OSBPL6: variants seen among roughly 807,000 people sequenced by gnomAD.
The protein encoded by OSBPL6 is oxysterol binding protein like 6, also known as oxysterol-binding protein-related protein 6.
OSBPL6 carries 49 observed loss-of-function variants against 125.8 expected under a neutral mutation model. The observed-to-expected ratio is 0.39, with a 90% CI of 0.31 to 0.49. The LOEUF is 0.49. Among genes scored for constraint, OSBPL6 ranks in the 20% least tolerant of loss-of-function variants. The probability of loss-of-function intolerance (pLI) is 0.88; values close to 1 mark genes in which losing one functional copy is unlikely to be tolerated. For synonymous variants in OSBPL6, 394 were observed against 391.8 expected (o/e 1.01, Z -0.07); for missense variants, 986 against 1,135.4 (o/e 0.87, Z 1.89).
chr2:178,337,949 C>CTTTTTTTTTTTTTTTTTTTT (rs755944128), intron 9 of OSBPL6, among the ~76,000 whole-genome samples: 19 of 139,156 alleles, frequency 1.4e-4, no homozygotes, highest in Admixed American at 3.1e-4. Context: ...TCAGTATTCT[C>CTTTTTTTTTTTTTTTTTTTT]TTTTTTTTTT....
At chr2:178,386,593 A>C (rs1694951536) in intron 19 of OSBPL6, among the ~76,000 whole-genome samples, 1 of 152,094 alleles carries the variant, frequency 6.6e-6, no homozygotes, top group South Asian at 2.1e-4. Context: ...TTTAGTGTAC[A>C]TCTTATGCTT....
At chr2:178,298,046 C>G (rs900268400) in intron 2 of OSBPL6, among the ~76,000 whole-genome samples, 6 of 152,146 alleles carry the variant, frequency 3.9e-5, no homozygotes, top group African/African-American at 1.4e-4. Flanking sequence ...CCCTGATAAC[C>G]ACCATTCTAC....
At chr2:178,369,135 C>A (rs1693138236) in intron 13 of OSBPL6, among the ~76,000 whole-genome samples, 1 of 152,102 alleles carries the variant, frequency 6.6e-6, no homozygotes, top group African/African-American at 2.4e-5. Flanking sequence ...AGATTTATCT[C>A]TTTTGCTCCC....
At chr2:178,261,781 T>C (rs2092073046) in intron 1 of OSBPL6, among the ~76,000 whole-genome samples, 1 of 152,198 alleles carries the variant, frequency 6.6e-6, no homozygotes, top group Non-Finnish European at 1.5e-5. Flanking sequence ...ATTGAACGAA[T>C]TTCAACTTTG....
chr2:178,399,868 GA>G lies in OSBPL6; in HGVS notation c.*4310del, dbSNP rs1346866917. The G allele has an allele frequency of 3.9e-5, 6 of 152,184 alleles. No individual in the cohort carries two copies. The highest frequency in any genetic ancestry group is 1.4e-4 in the African/African-American group (6 of 41,526). 9.4% of individuals were successfully genotyped at this position (152,184 alleles called of 1,614,324 possible). A position where few individuals can be genotyped will look rare whatever the true frequency, so the allele number is the denominator to read the frequency against. On this transcript the variant is annotated 3_prime_UTR_variant, in exon 25 of 25. Transcript: ENST00000190611. ...TAGTGAATACTATTAATTTTTCATGGATTACATATTACCATATGACCCCATA... is the reference window on the plus strand; with the variant it reads ...TAGTGAATACTATTAATTTTTCATGGTTACATATTACCATATGACCCCATA...
chr2:178,382,670 G>A, intron 16 of OSBPL6, 163 bp downstream of exon 16: 1 of 1,477,528 alleles, frequency 6.8e-7, no homozygotes. Context: ...ATCTCTTGAG[G>A]TAAATGGTTG....
chr2:178,216,593 CAT>C (rs756878368), intron 1 of OSBPL6, among the ~76,000 whole-genome samples: 4 of 152,158 alleles, frequency 2.6e-5, no homozygotes, highest in African/African-American at 7.2e-5. Flanking sequence ...ATTTGGCAAA[CAT>C]AGTGATGGTT....
At chr2:178,245,679 A>G (rs1320304510) in intron 1 of OSBPL6, among the ~76,000 whole-genome samples, 1 of 152,226 alleles carries the variant, frequency 6.6e-6, no homozygotes, top group Non-Finnish European at 1.5e-5. Context: ...ACATCCACAT[A>G]TAACATGTCA....
intron 1 of OSBPL6, among the ~76,000 whole-genome samples, chr2:178,225,368 A>G (rs913605628): frequency 1.3e-5 from 2 of 152,186 alleles, no homozygotes; most frequent in Non-Finnish European, 2.9e-5. Context: ...GAGAGATGCA[A>G]ATTTTACAGT....
intron 3 of OSBPL6, among the ~76,000 whole-genome samples, chr2:178,317,044 A>G (rs1310242842): frequency 2.0e-5 from 3 of 152,102 alleles, no homozygotes; most frequent in Non-Finnish European, 4.4e-5. Flanking sequence ...ATTGCTGGTT[A>G]TGGGTGGTTT....
chr2:178,224,511 A>G (rs1217017318), intron 1 of OSBPL6, among the ~76,000 whole-genome samples: 4 of 152,234 alleles, frequency 2.6e-5, no homozygotes, highest in Non-Finnish European at 4.4e-5. Flanking sequence ...TCTTCTTCCT[A>G]TACTCTCCAT....
chr2:178,349,409 G>T lies in OSBPL6; in HGVS notation c.1153+20G>T, dbSNP rs779367084. ...AGAAAGGTAAGAACAAAAATAATGC[G>T]CCCTTTAAAGAAGCTCTCTTCTTTG... On this transcript the variant is annotated intron_variant, in intron 12 of 24. Transcript: ENST00000190611. The T allele has an allele frequency of 6.2e-7, 1 of 1,608,196 alleles. No homozygotes were observed.
At chr2:178,362,407 A>G (rs17354544) in intron 13 of OSBPL6, among the ~76,000 whole-genome samples, 12,311 of 152,204 alleles carry the variant, frequency 0.081, 682 homozygotes, top group Middle Eastern at 0.14. Context: ...ATCTATATCA[A>G]AGTTGAAATT....
At chr2:178,360,960 A>T (rs1247401589) in intron 12 of OSBPL6, among the ~76,000 whole-genome samples, 1 of 152,256 alleles carries the variant, frequency 6.6e-6, no homozygotes, top group Non-Finnish European at 1.5e-5. Flanking sequence ...CTGTTATTAT[A>T]AAAATAGATG....
Position 178,366,041 on chromosome 2 carries a change from C to A in OSBPL6, c.1287+4226C>A, listed in dbSNP as rs1053315256. ...AACTAGCTGGTATTACAGGCATGAA[C>A]CACCACGTCCGGCTAATTTTTTGTG... is the stretch of plus-strand genomic sequence containing the variant. On this transcript the variant is annotated intron_variant, in intron 13 of 24. Transcript: ENST00000190611. Among the ~76,000 whole-genome samples, 19 of 152,116 alleles carry A rather than the reference C, an allele frequency of 1.2e-4. 1 individual carries two copies. The highest frequency in any genetic ancestry group is 1.2e-3 in the Admixed American group (18 of 15,268).
intron 1 of OSBPL6, among the ~76,000 whole-genome samples, chr2:178,232,885 C>T (rs968337362): frequency 2.6e-5 from 4 of 152,152 alleles, no homozygotes; most frequent in African/African-American, 9.7e-5. Context: ...CAGATGTACT[C>T]GTGTATACGC....
intron 1 of OSBPL6, among the ~76,000 whole-genome samples, chr2:178,201,364 G>A (rs114060835): frequency 2.0e-5 from 3 of 152,080 alleles, no homozygotes; most frequent in Non-Finnish European, 4.4e-5. Flanking sequence ...TTTGTATCAA[G>A]AGACATATTT....
chr2:178,277,720 G>A (rs1466409805), intron 1 of OSBPL6, among the ~76,000 whole-genome samples: 1 of 152,160 alleles, frequency 6.6e-6, no homozygotes, highest in African/African-American at 2.4e-5. Flanking sequence ...CAAGAAACAC[G>A]TGAGGCTGTC....
intron 3 of OSBPL6, among the ~76,000 whole-genome samples, chr2:178,308,054 G>C (rs1318425898): frequency 1.3e-5 from 2 of 152,188 alleles, no homozygotes; most frequent in Admixed American, 1.3e-4. Context: ...TTCTAGAAAA[G>C]TAAGAGACGC....
Sources: allele counts gnomAD v4.1 joint callset (sites outside exome capture counted in the v4.1 genomes callset), GRCh38; gene constraint gnomAD v4.1.1; transcripts MANE v1.5; gene names NCBI Gene and HGNC (gene_info 2026-07-23, HGNC 2026-07-21).